Variants in RNF135 observed in about 807,000 individuals in gnomAD.
RNF135 encodes E3 ubiquitin-protein ligase RNF135.
Under a neutral mutation model 41.9 loss-of-function variants are expected in RNF135, and 46 were observed. That is an observed-to-expected ratio of 1.10 (90% CI 0.87 to 1.40). The LOEUF is 1.40. RNF135 is among the 40% of genes most tolerant of loss of function. RNF135 has a pLI of 0.00. For missense variants in RNF135, 539 were observed against 549.8 expected (o/e 0.98, Z 0.20); for synonymous variants, 238 against 223.8 (o/e 1.06, Z -0.57).
the RNF135 span, among the ~76,000 whole-genome samples, chr17:30,960,825 C>T: frequency 6.3e-3 from 955 of 150,924 alleles, 9 homozygotes; most frequent in African/African-American, 0.022. Flanking sequence ...CTGCAAGCTC[C>T]GCCTCCCGGG....
chr17:30,993,725 C>A, intron 3 of RNF135: 7 of 820,916 alleles, frequency 8.5e-6, no homozygotes, highest in Admixed American at 2.9e-5. Context: ...AAGTAAATAA[C>A]TTCAGTAGGT....
chr17:30,962,497 G>A, the RNF135 span, among the ~76,000 whole-genome samples: 9 of 150,034 alleles, frequency 6.0e-5, no homozygotes, highest in Admixed American at 4.0e-4. Flanking sequence ...ATGGAGTCTC[G>A]CTCTGTTGCC....
At chr17:30,985,857 T>C (rs1907540688) in intron 2 of RNF135, among the ~76,000 whole-genome samples, 1 of 152,238 alleles carries the variant, frequency 6.6e-6, no homozygotes, top group South Asian at 2.1e-4. Flanking sequence ...TCATGCTGCC[T>C]GGCTCTGTGC....
In RNF135 at chr17:30,971,045, G is replaced by A; in HGVS notation, c.-29G>A. 1 of 1,533,226 alleles carries A rather than the reference G, an allele frequency of 6.5e-7. No homozygotes were observed. The highest frequency in any genetic ancestry group is 8.7e-7 in the Non-Finnish European group (1 of 1,145,776). 95.0% of individuals were successfully genotyped at this position (1,533,226 alleles called of 1,614,324 possible). On this transcript the variant is annotated 5_prime_UTR_variant, in exon 1 of 5. Transcript: ENST00000328381. ...GAGGAGACTCGCCCGGCTCAACCCC[G>A]ACGTCCGCGCCCCGGCCGCCTGTTG...
chr17:30,962,045 A>G, the RNF135 span, among the ~76,000 whole-genome samples: 6 of 151,938 alleles, frequency 3.9e-5, no homozygotes, highest in African/African-American at 1.5e-4. Flanking sequence ...TGAGCAGCCT[A>G]CCCTGAATCC....
chr17:30,965,936 G>A, the RNF135 span, among the ~76,000 whole-genome samples: 2 of 152,190 alleles, frequency 1.3e-5, no homozygotes, highest in East Asian at 3.8e-4. Context: ...ACCAATCTTA[G>A]ATTCTACAAT....
chr17:30,963,686 C>A, the RNF135 span, among the ~76,000 whole-genome samples: 1 of 152,124 alleles, frequency 6.6e-6, no homozygotes, highest in Admixed American at 6.6e-5. Flanking sequence ...TTCTTCCAGT[C>A]CATAGTTTTT....
intron 3 of RNF135, among the ~76,000 whole-genome samples, chr17:30,996,279 G>A (rs1598104082): frequency 6.6e-6 from 1 of 151,680 alleles, no homozygotes; most frequent in East Asian, 1.9e-4. Context: ...TAGTAGAGAT[G>A]GGGTTTCACC....
the RNF135 span, among the ~76,000 whole-genome samples, chr17:30,964,759 A>G: frequency 4.1e-5 from 6 of 147,846 alleles, no homozygotes; most frequent in African/African-American, 1.3e-4. Flanking sequence ...ATCTCGGCTC[A>G]CTGCAACCTC....
intron 4 of RNF135, among the ~76,000 whole-genome samples, chr17:30,997,930 A>G (rs1201711512): frequency 1.3e-5 from 2 of 152,244 alleles, no homozygotes; most frequent in African/African-American, 4.8e-5. Context: ...TTATTCACTC[A>G]ATAGGAAACC....
At chr17:30,975,119 T>C (rs1906326154) in intron 1 of RNF135, among the ~76,000 whole-genome samples, 2 of 147,692 alleles carry the variant, frequency 1.4e-5, no homozygotes, top group African/African-American at 5.0e-5. Flanking sequence ...TGAGATCCAA[T>C]TAAAAAAAAA....
chr17:30,990,532 C>A (rs1907916368), intron 3 of RNF135, among the ~76,000 whole-genome samples: 1 of 152,088 alleles, frequency 6.6e-6, no homozygotes, highest in African/African-American at 2.4e-5. Flanking sequence ...AACAAACAAA[C>A]AAAAACAGTA....
intron 1 of RNF135, 21 bp from the exon 2 acceptor site, chr17:30,984,596 C>G (rs1365061744): frequency 1.9e-6 from 3 of 1,614,056 alleles, no homozygotes; most frequent in Non-Finnish European, 2.5e-6. Context: ...AACCCAGGAC[C>G]TGAACTTTGC....
Position 30,971,292 on chromosome 17 carries a change from G to A in RNF135, c.219G>A (p.Arg73=). 2 of 1,529,270 alleles carry A rather than the reference G, an allele frequency of 1.3e-6. No individual in the cohort carries two copies. The allele number at this position is 1,529,270 out of a possible 1,614,324, so 94.7% of individuals were successfully genotyped here. The change falls in exon 1 of 5, where the codon CGG becomes CGA. Residue 73 remains arginine (R), a synonymous_variant. Transcript: ENST00000328381. ...RQGAAQQPHL[R]KNTLLQDLAD... is the part of the protein sequence containing the mutation. ...GCGCCGCGCAGCAGCCGCACCTGCG[G>A]AAGAACACGCTACTGCAGGACCTGG... is the stretch of plus-strand genomic sequence containing the variant.
Position 30,984,721 on chromosome 17 carries a change from A to T in RNF135, c.477A>T (p.Ser159=), listed in dbSNP as rs745897446. The T allele has an allele frequency of 5.6e-6, 9 of 1,614,108 alleles. No individual in the cohort carries two copies. In the African/African-American group the frequency reaches 1.1e-4, roughly 19 times the overall value. ...GCCTGCAGAATCAGAGGCCCCTATC[A>T]GAATCTGGACCAGACAACGAACTGA... ...VRSLQNQRPL[S]ESGPDNELSI... Residue 159 remains serine (S), a synonymous_variant, in exon 2 of 5, where the codon TCA becomes TCT. Transcript: ENST00000328381.
intron 1 of RNF135, chr17:30,971,694 A>C (rs1456273481): frequency 1.5e-6 from 2 of 1,327,504 alleles, no homozygotes; most frequent in East Asian, 6.4e-5. Context: ...GGCATATTTC[A>C]ACTTCTTCCC....
rs568399698 is a variant in RNF135, at chr17:30,977,367, T to TTTTTG, written c.372+5943_372+5947dup. Among the ~76,000 whole-genome samples the TTTTTG allele has an allele frequency of 2.9e-3, 435 of 152,142 alleles. 1 individual carries two copies. Among genetic ancestry groups the TTTTTG allele is most frequent in the African/African-American group, 9.8e-3 (405 of 41,502 alleles). On this transcript the variant is annotated intron_variant, in intron 1 of 4. Coordinates refer to ENST00000328381, the MANE Select transcript of RNF135 (RefSeq NM_032322.4). The stretch of plus-strand genomic sequence containing the variant: ...TGTGACCTTACTATTACTAGTGAGG[T>TTTTTG]TTTTGTTTTGTTTTGTTTTGTTTTG...
At chr17:30,968,836 G>A (rs1027260515), upstream of RNF135, 1 of 152,166 alleles carries the variant, frequency 6.6e-6, no homozygotes, top group African/African-American at 2.4e-5. Flanking sequence ...GTTCCAGGGA[G>A]GCTCAGGTCA....
Position 30,971,318 on chromosome 17 carries a change from CCGA to C in RNF135, c.247_249del (p.Asp83del). The C allele has an allele frequency of 2.6e-6, 4 of 1,533,776 alleles. No homozygotes were observed. Among genetic ancestry groups the C allele is most frequent in the Non-Finnish European group, 3.5e-6 (4 of 1,143,572 alleles). On this transcript the variant is annotated inframe_deletion, in exon 1 of 5. Coordinates refer to ENST00000328381, the MANE Select transcript of RNF135 (RefSeq NM_032322.4). Reference sequence around the variant, plus strand: ...AAGAACACGCTACTGCAGGACCTGGCCGACAAGTACCGCCGCGCCGCACGCGAG... The same window carrying C: ...AAGAACACGCTACTGCAGGACCTGGCCAAGTACCGCCGCGCCGCACGCGAG...
Sources: gnomAD v4.1 joint callset for allele counts (sites outside exome capture counted in the v4.1 genomes callset) on GRCh38, gnomAD v4.1.1 for gene constraint, MANE v1.5 for transcripts, NCBI Gene and HGNC (gene_info 2026-07-23, HGNC 2026-07-21) for gene names.